The following GRM5 variants were observed in gnomAD, a reference collection of about 807,000 sequenced individuals.
GRM5 encodes metabotropic glutamate receptor 5.
In GRM5, 19 loss-of-function variants were observed where a neutral mutation model predicts 83.1. The observed-to-expected ratio is 0.23, with a 90% CI of 0.16 to 0.34. The LOEUF is 0.34. GRM5 is among the 10% of genes least tolerant of loss of function. The pLI is 1.00. For missense variants in GRM5, 1,160 were observed against 1,588.3 expected (o/e 0.73, Z 4.58); for synonymous variants, 675 against 633.6 (o/e 1.07, Z -0.98).
At chr11:88,931,557 AG>A (rs1335135797) in intron 2 of GRM5, among the ~76,000 whole-genome samples, 3 of 152,160 alleles carry the variant, frequency 2.0e-5, no homozygotes, top group African/African-American at 7.2e-5. Flanking sequence ...AACCAAAAGC[AG>A]GGCTGGAAAA....
chr11:88,779,922 C>T (rs1372098773), intron 3 of GRM5, among the ~76,000 whole-genome samples: 1 of 152,090 alleles, frequency 6.6e-6, no homozygotes, highest in East Asian at 1.9e-4. Context: ...GGATTAGTGC[C>T]CCATCTCCCT....
At chr11:88,931,858 G>T (rs1289346379) in intron 2 of GRM5, among the ~76,000 whole-genome samples, 1 of 151,850 alleles carries the variant, frequency 6.6e-6, no homozygotes, top group Non-Finnish European at 1.5e-5. Flanking sequence ...TTATATCTTC[G>T]CTACTGTCTC....
intron 2 of GRM5, among the ~76,000 whole-genome samples, chr11:88,853,423 T>C (rs1422671776): frequency 6.6e-6 from 1 of 151,992 alleles, no homozygotes; most frequent in East Asian, 1.9e-4. Context: ...GAAGTCAAGA[T>C]ATACAGAAAA....
At chr11:88,689,999 A>G (rs761898032) in intron 3 of GRM5, among the ~76,000 whole-genome samples, 9 of 152,198 alleles carry the variant, frequency 5.9e-5, no homozygotes, top group Non-Finnish European at 1.0e-4. Flanking sequence ...ATCAAAATAA[A>G]CTGTCCTTTA....
chr11:88,903,834 T>G lies in GRM5; in HGVS notation c.662-53679A>C, dbSNP rs547064937. On this transcript the variant is annotated intron_variant, in intron 2 of 9. Transcript: ENST00000305447. ...TGGGTGATGAACACCCTAAAAGATC[T>G]GACTTTACCGCTGTGCAATTTAGGG... 1.1e-4 allele frequency among the ~76,000 whole-genome samples: 16 copies of G among 152,306 alleles called. No homozygotes were observed. In the South Asian group the frequency reaches 3.1e-3, roughly 30 times the overall value.
intron 3 of GRM5, among the ~76,000 whole-genome samples, chr11:88,781,471 G>A (rs1942974798): frequency 1.3e-5 from 2 of 152,094 alleles, no homozygotes; most frequent in South Asian, 4.1e-4. Flanking sequence ...AGACCTCTAT[G>A]CCCATATTTA....
chr11:88,856,991 T>G (rs1455152206), intron 2 of GRM5, among the ~76,000 whole-genome samples: 2 of 152,142 alleles, frequency 1.3e-5, no homozygotes, highest in African/African-American at 4.8e-5. Flanking sequence ...TGTATGTGTA[T>G]AGATGATACT....
Position 89,047,348 on chromosome 11 carries a change from G to T in GRM5, c.525C>A (p.Thr175=). 6.2e-7 allele frequency: 1 copy of T among 1,613,832 alleles called. No homozygotes were observed. Among genetic ancestry groups the T allele is most frequent in the Non-Finnish European group, 8.5e-7 (1 of 1,179,754 alleles). ...FNIPQIAYSA[T]SMDLSDKTLF... The stretch of plus-strand genomic sequence containing the variant: ...GAGTCTTGTCACTCAGATCCATGCT[G>T]GTTGCTGAGTAAGCAATCTGAGGTA... The change falls in exon 2 of 10, where the codon ACC becomes ACA. Residue 175 remains threonine, a synonymous_variant. Coordinates refer to ENST00000305447, the MANE Select transcript of GRM5 (RefSeq NM_001143831.3). This position sits in a 1 kb window ranked among gnomAD's most constrained non-coding sequence, Gnocchi z 5.1.
intron 9 of GRM5, among the ~76,000 whole-genome samples, chr11:88,522,603 CTGTGTGTG>C (rs55777647): frequency 0.021 from 2,646 of 127,270 alleles, 111 homozygotes; most frequent in African/African-American, 0.071. Flanking sequence ...CTCTCTCTCT[CTGTGTGTG>C]TGTGTGTGTG....
At chr11:88,893,364 T>A (rs1373121822) in intron 2 of GRM5, among the ~76,000 whole-genome samples, 1 of 151,994 alleles carries the variant, frequency 6.6e-6, no homozygotes, top group African/African-American at 2.4e-5. Context: ...TCAGAAGATT[T>A]GAGCATGTTA....
chr11:88,945,588 C>G (rs571008600), intron 2 of GRM5, among the ~76,000 whole-genome samples: 2 of 152,154 alleles, frequency 1.3e-5, no homozygotes, highest in African/African-American at 4.8e-5. Context: ...AGCTGCACAC[C>G]TACAACCATC....
intron 7 of GRM5, among the ~76,000 whole-genome samples, chr11:88,578,159 G>T (rs993238349): frequency 2.6e-5 from 4 of 152,028 alleles, no homozygotes; most frequent in African/African-American, 9.7e-5. Context: ...GTCTTAAATT[G>T]TCTGTAAGTA....
intron 1 of GRM5, among the ~76,000 whole-genome samples, chr11:89,049,676 T>C (rs1591078133): frequency 6.6e-6 from 1 of 152,288 alleles, no homozygotes; most frequent in South Asian, 2.1e-4. Context: ...TCTTCCTATG[T>C]ACAGTGACAA....
intron 2 of GRM5, among the ~76,000 whole-genome samples, chr11:88,987,645 G>A (rs7478753): frequency 4.6e-5 from 7 of 151,608 alleles, no homozygotes; most frequent in South Asian, 2.1e-4. Flanking sequence ...GGTTCTCCCA[G>A]CACGCAGCTG....
At chr11:88,877,974 G>A (rs1270142688) in intron 2 of GRM5, among the ~76,000 whole-genome samples, 2 of 152,076 alleles carry the variant, frequency 1.3e-5, no homozygotes, top group Non-Finnish European at 2.9e-5. Context: ...CCTGCACATT[G>A]TGCTCATGTA....
chr11:88,794,201 G>T (rs1943232242), intron 3 of GRM5, among the ~76,000 whole-genome samples: 1 of 151,976 alleles, frequency 6.6e-6, no homozygotes, highest in Non-Finnish European at 1.5e-5. Context: ...CTGCTTCAGG[G>T]GACCAGCATC....
chr11:88,947,707 T>C (rs1449499317), intron 2 of GRM5, among the ~76,000 whole-genome samples: 1 of 152,090 alleles, frequency 6.6e-6, no homozygotes, highest in Non-Finnish European at 1.5e-5. Flanking sequence ...AATAATCCAC[T>C]TTACTGGGTT....
chr11:89,004,568 C>T (rs532505896), intron 2 of GRM5, among the ~76,000 whole-genome samples: 5 of 152,174 alleles, frequency 3.3e-5, no homozygotes, highest in African/African-American at 9.6e-5. Context: ...AATGCTTAAC[C>T]TGAAACAAAA....
intron 3 of GRM5, among the ~76,000 whole-genome samples, chr11:88,771,087 T>C (rs1031071181): frequency 1.3e-5 from 2 of 152,116 alleles, no homozygotes; most frequent in Non-Finnish European, 2.9e-5. Flanking sequence ...GCTAATAGCA[T>C]AGACAGACAA....
Sources: allele counts gnomAD v4.1 joint callset (sites outside exome capture counted in the v4.1 genomes callset), GRCh38; gene constraint gnomAD v4.1.1; non-coding constraint Gnocchi (gnomAD v3.1); transcripts MANE v1.5; gene names NCBI Gene and HGNC (gene_info 2026-07-23, HGNC 2026-07-21).